The following WDR49 variants were observed in gnomAD, a reference collection of about 807,000 sequenced individuals.
The protein encoded by WDR49 is WD repeat domain 49.
Under a neutral mutation model 119.5 loss-of-function variants are expected in WDR49, and 107 were observed. The observed-to-expected ratio is 0.90, with a 90% CI of 0.77 to 1.05. WDR49 has a LOEUF of 1.05. Among genes scored for constraint, WDR49 ranks in the 50% least tolerant of loss-of-function variants. The pLI, the probability that WDR49 is intolerant of heterozygous loss-of-function variation, is 0.00. For missense variants in WDR49, 1,240 were observed against 1,220.5 expected (o/e 1.02, Z -0.24); for synonymous variants, 425 against 418.8 (o/e 1.01, Z -0.18).
chr3:167,530,899 A>G lies in WDR49; in HGVS notation c.2218+216T>C, dbSNP rs573117552. On this transcript the variant is annotated intron_variant, in intron 13 of 18. Coordinates refer to ENST00000682715, the MANE Select transcript of WDR49 (RefSeq NM_001366157.1). ...CCATCTTGATCTTGACATATACAAC[A>G]CTGGATAAATTAGTAGTGGGATGTA... 3.3e-4 allele frequency among the ~76,000 whole-genome samples: 50 copies of G among 152,122 alleles called. 1 individual carries two copies. The highest frequency in any genetic ancestry group is 1.2e-3 in the African/African-American group (49 of 41,514).
intron 3 of WDR49, among the ~76,000 whole-genome samples, chr3:167,624,016 T>A (rs1716995910): frequency 6.6e-6 from 1 of 151,876 alleles, no homozygotes; most frequent in African/African-American, 2.4e-5. Flanking sequence ...CCAGAATACA[T>A]ATAAAAACTC....
intron 2 of WDR49, among the ~76,000 whole-genome samples, chr3:167,642,931 T>C (rs1717948952): frequency 6.6e-6 from 1 of 151,914 alleles, no homozygotes; most frequent in South Asian, 2.1e-4. Flanking sequence ...GCCATAAATC[T>C]GTGGTCAGAC....
In WDR49 at chr3:167,602,145, G is replaced by A. The variant is rs367736932; in HGVS notation, c.1257C>T (p.Phe419=). 4.4e-6 allele frequency: 7 copies of A among 1,600,792 alleles called. No individual in the cohort carries two copies. The African/African-American group carries it at 9.4e-5, about 21-fold the overall frequency. Residue 419 remains phenylalanine (F), a synonymous_variant, in exon 7 of 19, where the codon TTC becomes TTT. Coordinates refer to ENST00000682715, the MANE Select transcript of WDR49 (RefSeq NM_001366157.1). ...VQFFVERKQL[F]SFSKDKVLRL... ...TACTTACTTTATCCTTGGAGAAGCT[G>A]AAAAGTTGTTTTCTTTCCACAAAGA...
intron 18 of WDR49, among the ~76,000 whole-genome samples, chr3:167,491,088 G>A (rs1239418044): frequency 6.6e-6 from 1 of 151,908 alleles, no homozygotes; most frequent in Non-Finnish European, 1.5e-5. Context: ...CAGGATCGTT[G>A]GGACTTCAAA....
At chr3:167,656,100 T>C (rs761950974), upstream of WDR49, among the ~76,000 whole-genome samples, 7 of 152,146 alleles carry the variant, frequency 4.6e-5, no homozygotes, top group Non-Finnish European at 1.0e-4. Flanking sequence ...TCTGAAGCCA[T>C]AGCTAGGCTC....
At chr3:167,506,252 A>G (rs1751763180) in intron 16 of WDR49, among the ~76,000 whole-genome samples, 1 of 152,094 alleles carries the variant, frequency 6.6e-6, no homozygotes, top group South Asian at 2.1e-4. Flanking sequence ...TTTTGTAGCT[A>G]TAAGACTCTG....
At chr3:167,498,451 G>C (rs552110012) in intron 18 of WDR49, among the ~76,000 whole-genome samples, 7 of 152,064 alleles carry the variant, frequency 4.6e-5, no homozygotes, top group African/African-American at 1.4e-4. Flanking sequence ...CAGGGTGGAG[G>C]GGGGAGGGTG....
intron 7 of WDR49, among the ~76,000 whole-genome samples, chr3:167,601,531 G>T (rs1252196605): frequency 6.6e-6 from 1 of 152,122 alleles, no homozygotes; most frequent in African/African-American, 2.4e-5. Context: ...TAGAGATGAA[G>T]AAATTTGCCT....
At chr3:167,513,289 G>T (rs1193286244) in intron 16 of WDR49, among the ~76,000 whole-genome samples, 1 of 152,120 alleles carries the variant, frequency 6.6e-6, no homozygotes, top group Non-Finnish European at 1.5e-5. Flanking sequence ...AGAGATTGGG[G>T]GGAGGGGGCC....
chr3:167,624,648 A>G (rs1419941465), intron 3 of WDR49, among the ~76,000 whole-genome samples: 1 of 152,086 alleles, frequency 6.6e-6, no homozygotes, highest in East Asian at 1.9e-4. Context: ...CTATTTTAAA[A>G]AGAAAAAAGC....
intron 3 of WDR49, among the ~76,000 whole-genome samples, chr3:167,625,629 AT>A (rs1162519778): frequency 6.6e-6 from 1 of 152,030 alleles, no homozygotes; most frequent in Non-Finnish European, 1.5e-5. Context: ...TAAAAAATTC[AT>A]GGATCTAGGA....
intron 10 of WDR49, 141 bp downstream of exon 10, chr3:167,554,509 T>C: frequency 2.1e-6 from 1 of 471,224 alleles, no homozygotes; most frequent in Non-Finnish European, 3.7e-6. Flanking sequence ...AATATTTTAT[T>C]CACTAAGCAT....
intron 17 of WDR49, among the ~76,000 whole-genome samples, chr3:167,504,496 A>G (rs1751694737): frequency 6.6e-6 from 1 of 152,184 alleles, no homozygotes; most frequent in South Asian, 2.1e-4. Flanking sequence ...ATGTTTATCC[A>G]ATGCCTATGC....
intron 16 of WDR49, among the ~76,000 whole-genome samples, 173 bp downstream of exon 16, chr3:167,522,142 C>T (rs1752473082): frequency 6.6e-6 from 1 of 152,016 alleles, no homozygotes; most frequent in Admixed American, 6.6e-5. Context: ...CCAAATATGG[C>T]CCCGATAATA....
intron 7 of WDR49, among the ~76,000 whole-genome samples, chr3:167,595,479 C>T (rs1332832551): frequency 2.0e-5 from 3 of 152,160 alleles, no homozygotes; most frequent in Non-Finnish European, 4.4e-5. Context: ...TACTACAAGG[C>T]TACAGTAACC....
intron 2 of WDR49, among the ~76,000 whole-genome samples, chr3:167,637,107 A>G (rs146987912): frequency 0.053 from 7,981 of 151,928 alleles, 675 homozygotes; most frequent in African/African-American, 0.18. Context: ...GTTATGTTCT[A>G]GAATTTTTAT....
At chr3:167,546,123 G>T (rs1381144948) in intron 10 of WDR49, among the ~76,000 whole-genome samples, 3 of 151,744 alleles carry the variant, frequency 2.0e-5, no homozygotes, top group Non-Finnish European at 4.4e-5. Context: ...TACATATTTT[G>T]CATTATCTCT....
At chr3:167,512,333 AG>A (rs1752007531) in intron 16 of WDR49, among the ~76,000 whole-genome samples, 2 of 152,200 alleles carry the variant, frequency 1.3e-5, no homozygotes, top group South Asian at 4.1e-4. Context: ...AATAGAGCCT[AG>A]AGTGGACCCC....
At chr3:167,614,710 A>T (rs73878765) in intron 5 of WDR49, among the ~76,000 whole-genome samples, 2,948 of 152,328 alleles carry the variant, frequency 0.019, 93 homozygotes, top group African/African-American at 0.067. Context: ...TTTTCCTTTG[A>T]CATTTCATTT....
Sources: allele counts gnomAD v4.1 joint callset (sites outside exome capture counted in the v4.1 genomes callset), GRCh38; gene constraint gnomAD v4.1.1; transcripts MANE v1.5; gene names NCBI Gene and HGNC (gene_info 2026-07-23, HGNC 2026-07-21).